CD276: variants seen among roughly 807,000 people sequenced by gnomAD.
CD276 encodes the protein CD276 molecule, also known as CD276 antigen.
Under a neutral mutation model 50.0 loss-of-function variants are expected in CD276, and 34 were observed. The ratio of observed to expected loss-of-function variants is 0.68; its 90% CI spans 0.52 to 0.91. The LOEUF is 0.91. Among genes scored for constraint, CD276 ranks in the 40% least tolerant of loss-of-function variants. The pLI, the probability that CD276 is intolerant of heterozygous loss-of-function variation, is 0.00. For missense variants in CD276, 634 were observed against 717.5 expected (o/e 0.88, Z 1.33); for synonymous variants, 275 against 313.0 (o/e 0.88, Z 1.28).
chr15:73,708,396 G>A lies in CD276; in HGVS notation c.1427G>A (p.Cys476Tyr). The A allele has an allele frequency of 6.2e-7, 1 of 1,614,190 alleles. No homozygotes were observed. Among genetic ancestry groups the A allele is most frequent in the South Asian group, 1.1e-5 (1 of 91,080 alleles). The change falls in exon 7 of 10, where the codon TGT becomes TAT. Residue 476 changes from cysteine (C) to tyrosine (Y), a missense_variant. By Grantham distance (194) the Cys-to-Tyr change is radical. Coordinates refer to ENST00000318443, the MANE Select transcript of CD276 (RefSeq NM_001024736.2). The part of the protein sequence containing the change: ...ALWVTVGLSV[C>Y]LIALLVALAF... ...TGGGTGACCGTGGGGCTGTCTGTCT[G>A]TCTCATTGCACTGCTGGTGGCCCTG... is the stretch of plus-strand genomic sequence containing the variant.
At position 73,704,531 on chromosome 15, in the gene CD276, C is replaced by T; in HGVS notation, c.1369+59C>T. The T allele has an allele frequency of 6.5e-7, 1 of 1,542,778 alleles. No homozygotes were observed. The highest frequency in any genetic ancestry group is 8.8e-7 in the Non-Finnish European group (1 of 1,141,894). On this transcript the variant is annotated intron_variant, in intron 6 of 9. Coordinates refer to ENST00000318443, the MANE Select transcript of CD276 (RefSeq NM_001024736.2). This position sits in a 1 kb window ranked among gnomAD's most constrained non-coding sequence, Gnocchi z 4.1. ...GCGAGTAACTCCCTCTTTACTGGACCCTAACGTGGAATTTCCATAGGTTTG... is the reference window on the plus strand; with the variant it reads ...GCGAGTAACTCCCTCTTTACTGGACTCTAACGTGGAATTTCCATAGGTTTG...
intron 1 of CD276, among the ~76,000 whole-genome samples, chr15:73,688,878 C>A (rs2141533950): frequency 6.6e-6 from 1 of 152,100 alleles, no homozygotes; most frequent in South Asian, 2.1e-4. Context: ...GGCAAGGAGG[C>A]ATTTAGGCAG....
At chr15:73,692,689 A>G (rs1189551741) in intron 1 of CD276, among the ~76,000 whole-genome samples, 1 of 152,240 alleles carries the variant, frequency 6.6e-6, no homozygotes, top group African/African-American at 2.4e-5. Flanking sequence ...GTAGTTGAAT[A>G]TTTATATGTA....
At chr15:73,689,184 C>T (rs1355953934) in intron 1 of CD276, among the ~76,000 whole-genome samples, 2 of 123,018 alleles carry the variant, frequency 1.6e-5, no homozygotes, top group Non-Finnish European at 3.3e-5. Context: ...GGGCTCTGTG[C>T]CTCCTGTGTG....
rs543728797 is a variant in CD276, at chr15:73,703,192, T to C, written c.733+106T>C. 35 of 1,311,718 alleles carry C rather than the reference T, an allele frequency of 2.7e-5. No individual in the cohort carries two copies. The South Asian group carries it at 4.0e-4, about 15-fold the overall frequency. The allele number at this position is 1,311,718 out of a possible 1,614,324, so 81.3% of individuals were successfully genotyped here. ...ACCTTCAATCTCCCAGAACAGCAAG[T>C]TGCCTCCTAATGATAGGGAGAAAGA... On this transcript the variant is annotated intron_variant, in intron 4 of 9. Coordinates refer to ENST00000318443, the MANE Select transcript of CD276 (RefSeq NM_001024736.2).
chr15:73,688,384 C>G (rs934274150), intron 1 of CD276, among the ~76,000 whole-genome samples: 14 of 152,286 alleles, frequency 9.2e-5, no homozygotes, highest in Admixed American at 9.1e-4. Flanking sequence ...ATTCTCACAG[C>G]AGCCCTGTGG....
intron 1 of CD276, chr15:73,686,274 C>G: frequency 3.0e-6 from 3 of 985,044 alleles, no homozygotes; most frequent in Non-Finnish European, 3.6e-6. Context: ...ACTCTAGACT[C>G]CTGTGCTGTG....
rs947028832 is a variant in CD276 at position 73,707,617 on chromosome 15, G to A, written c.1370-722G>A. 2.0e-5 allele frequency among the ~76,000 whole-genome samples: 3 copies of A among 152,214 alleles called. No individual in the cohort carries two copies. The South Asian group carries it at 6.2e-4, about 31-fold the overall frequency. On this transcript the variant is annotated intron_variant, in intron 6 of 9. Coordinates refer to ENST00000318443, the MANE Select transcript of CD276 (RefSeq NM_001024736.2). ...CAGGGAGTAAATGTTTTTAGGCATC[G>A]TGGGCCACACACCATCTCTGTTGCT...
chr15:73,694,209 C>G (rs552138518), intron 1 of CD276, among the ~76,000 whole-genome samples: 2 of 152,314 alleles, frequency 1.3e-5, no homozygotes, highest in African/African-American at 4.8e-5. Flanking sequence ...ATTGCTCAAG[C>G]CTTCAGTGCC....
chr15:73,711,156 C>G lies in CD276; in HGVS notation c.1568C>G (p.Ser523Cys). 1 of 1,614,028 alleles carries G rather than the reference C, an allele frequency of 6.2e-7. No individual in the cohort carries two copies. The highest frequency in any genetic ancestry group is 8.5e-7 in the Non-Finnish European group (1 of 1,180,032). Residue 523 changes from serine to cysteine, a missense_variant, in exon 9 of 10, where the codon TCT (serine) becomes TGT (cysteine). Coordinates refer to ENST00000318443, the MANE Select transcript of CD276 (RefSeq NM_001024736.2). ...ACAGCCCTGCAGCCTCTGAAACACTCTGACAGCAAAGAAGGTAAAGACACC... is the reference window on the plus strand; with the variant it reads ...ACAGCCCTGCAGCCTCTGAAACACTGTGACAGCAAAGAAGGTAAAGACACC... ...SKTALQPLKH[S>C]DSKEDDGQEI...
chr15:73,708,694 G>A, intron 7 of CD276: 3 of 573,372 alleles, frequency 5.2e-6, no homozygotes, highest in Non-Finnish European at 9.3e-6. Context: ...GGATGAATGT[G>A]GATGAGTGTG....
At chr15:73,693,153 C>G (rs1450392615) in intron 1 of CD276, among the ~76,000 whole-genome samples, 2 of 152,134 alleles carry the variant, frequency 1.3e-5, no homozygotes, top group Admixed American at 1.3e-4. Flanking sequence ...GTGCTGTGGG[C>G]TTTCCTATTC....
Position 73,709,463 on chromosome 15 carries a change from G to A in CD276, c.1505-185G>A. On this transcript the variant is annotated intron_variant, in intron 7 of 9. Coordinates refer to ENST00000318443, the MANE Select transcript of CD276 (RefSeq NM_001024736.2). ...GGCTCCAGGCTGGGAGCCCCTTCAT[G>A]TTGTCACAGGCTCGGCTCTGCTGTG... 6.5e-6 allele frequency: 4 copies of A among 616,672 alleles called. 1 individual carries two copies. Among genetic ancestry groups the A allele is most frequent in the Non-Finnish European group, 8.5e-6 (3 of 350,978 alleles). The allele number at this position is 616,672 out of a possible 1,614,324, so 38.2% of individuals were successfully genotyped here. A position where few individuals can be genotyped will look rare whatever the true frequency, so the allele number is the denominator to read the frequency against.
rs1259621241 is a variant in CD276, at chr15:73,711,125, T to G, written c.1547-10T>G. 1 of 1,614,002 alleles carries G rather than the reference T, an allele frequency of 6.2e-7. No homozygotes were observed. Among genetic ancestry groups the G allele is most frequent in the Non-Finnish European group, 8.5e-7 (1 of 1,180,000 alleles). ...CCTCCCTCACCGTGTGCGCCTTCCT[T>G]TTTTTACAGCCCTGCAGCCTCTGAA... On this transcript the variant is annotated splice_polypyrimidine_tract_variant and intron_variant, in intron 8 of 9. Coordinates refer to ENST00000318443, the MANE Select transcript of CD276 (RefSeq NM_001024736.2).
rs114874268 is a variant in CD276, at chr15:73,707,633, C to T, written c.1370-706C>T. On this transcript the variant is annotated intron_variant, in intron 6 of 9. Coordinates refer to ENST00000318443, the MANE Select transcript of CD276 (RefSeq NM_001024736.2). ...TTAGGCATCGTGGGCCACACACCAT[C>T]TCTGTTGCTGCTGCTTCTCCTTCTG... Among the ~76,000 whole-genome samples, 389 of 152,372 alleles carry T rather than the reference C, an allele frequency of 2.6e-3. 3 individuals are homozygous for T. Among genetic ancestry groups the T allele is most frequent in the African/African-American group, 9.0e-3 (376 of 41,588 alleles).
intron 1 of CD276, among the ~76,000 whole-genome samples, chr15:73,696,749 G>A (rs1193474273): frequency 6.6e-6 from 1 of 152,188 alleles, no homozygotes; most frequent in Non-Finnish European, 1.5e-5. Context: ...TGAGTACCAG[G>A]CAGAGGAATG....
At chr15:73,692,289 T>C (rs1567013796) in intron 1 of CD276, among the ~76,000 whole-genome samples, 1 of 152,204 alleles carries the variant, frequency 6.6e-6, no homozygotes, top group Non-Finnish European at 1.5e-5. Flanking sequence ...CACAATACCT[T>C]GTATAAATGT....
intron 1 of CD276, among the ~76,000 whole-genome samples, chr15:73,698,540 G>T (rs1289626322): frequency 6.6e-6 from 1 of 152,136 alleles, no homozygotes; most frequent in South Asian, 2.1e-4. Flanking sequence ...CTTCCTACAG[G>T]GATGGCTATA....
At position 73,704,348 on chromosome 15, in the gene CD276, C is replaced by T. The variant is rs376481613; in HGVS notation, c.1245C>T (p.Asn415=). 5.9e-5 allele frequency: 95 copies of T among 1,613,884 alleles called. No homozygotes were observed. Among genetic ancestry groups the T allele is most frequent in the South Asian group, 7.7e-5 (7 of 91,086 alleles). ...TGNVTTSQMA[N]EQGLFDVHSV... ...ACGTGACCACGTCGCAGATGGCCAACGAGCAGGGCTTGTTTGATGTGCACA... is the reference window on the plus strand; with the variant it reads ...ACGTGACCACGTCGCAGATGGCCAATGAGCAGGGCTTGTTTGATGTGCACA... The change falls in exon 6 of 10, where the codon AAC becomes AAT. Residue 415 remains asparagine, a synonymous_variant. Coordinates refer to ENST00000318443, the MANE Select transcript of CD276 (RefSeq NM_001024736.2). This position sits in a 1 kb window ranked among gnomAD's most constrained non-coding sequence, Gnocchi z 4.1.
Sources: allele counts gnomAD v4.1 joint callset (sites outside exome capture counted in the v4.1 genomes callset), GRCh38; gene constraint gnomAD v4.1.1; non-coding constraint Gnocchi (gnomAD v3.1); transcripts MANE v1.5; gene names NCBI Gene and HGNC (gene_info 2026-07-23, HGNC 2026-07-21).